Variants in ACACA observed in about 807,000 individuals in gnomAD.
The protein encoded by ACACA is acetyl-CoA carboxylase alpha, also known as acetyl-CoA carboxylase 1.
A neutral mutation model predicts 296.1 loss-of-function variants in ACACA; 103 were observed. The ratio of observed to expected loss-of-function variants is 0.35; its 90% CI spans 0.30 to 0.41. The LOEUF (loss-of-function observed/expected upper bound fraction) is 0.41. Among genes scored for constraint, ACACA ranks in the 10% least tolerant of loss-of-function variants. The pLI is 1.00. For missense variants in ACACA, 1,554 were observed against 2,989.7 expected (o/e 0.52, Z 11.20); for synonymous variants, 953 against 1,038.6 (o/e 0.92, Z 1.58).
At chr17:37,364,590 CAA>C (rs58523091) in intron 1 of ACACA, among the ~76,000 whole-genome samples, 10 of 94,054 alleles carry the variant, frequency 1.1e-4, no homozygotes, top group Non-Finnish European at 1.2e-4. Context: ...GACTCCGTCT[CAA>C]AAAAAAAAAA....
intron 39 of ACACA, among the ~76,000 whole-genome samples, chr17:37,183,709 G>A (rs4795178): frequency 0.27 from 41,184 of 151,320 alleles, 6,271 homozygotes; most frequent in African/African-American, 0.38. Context: ...GTGTGAACCC[G>A]GGAGGTAGAA....
At position 37,125,555 on chromosome 17, in the gene ACACA, G is replaced by C. The variant is rs568876498; in HGVS notation, c.6041+143C>G. The stretch of plus-strand genomic sequence containing the variant: ...TGAGAACCAGCACTCCAATTATTTT[G>C]CCTTGGGCATGGCTATAATCCAATA... On this transcript the variant is annotated intron_variant, in intron 48 of 55. Transcript: ENST00000616317. 15 of 810,862 alleles carry C rather than the reference G, an allele frequency of 1.8e-5. No homozygotes were observed. In the East Asian group the frequency reaches 4.0e-4, roughly 22 times the overall value. 50.2% of individuals were successfully genotyped at this position (810,862 alleles called of 1,614,324 possible).
intron 29 of ACACA, among the ~76,000 whole-genome samples, chr17:37,221,110 T>A (rs2079266389): frequency 6.6e-6 from 1 of 152,214 alleles, no homozygotes. Flanking sequence ...AAAGCAATTC[T>A]GAAACAAAAA....
chr17:37,179,893 TAGGACCACACAC>T (rs1224523361), intron 40 of ACACA, among the ~76,000 whole-genome samples: 1 of 152,240 alleles, frequency 6.6e-6, no homozygotes, highest in Admixed American at 6.5e-5. Context: ...TTCATAGCTA[TAGGACCACACAC>T]AGGAATTAGC....
At chr17:37,268,733 C>CTATATATATATATATATATATATATATA in intron 10 of ACACA, among the ~76,000 whole-genome samples, 1 of 70,818 alleles carries the variant, frequency 1.4e-5, no homozygotes, top group East Asian at 8.7e-4. Context: ...ATCTATCTAT[C>CTATATATATATATATATATATATATATA]TATCTATCTA....
At chr17:37,174,159 C>T (rs1474316867) in intron 41 of ACACA, among the ~76,000 whole-genome samples, 4 of 149,104 alleles carry the variant, frequency 2.7e-5, no homozygotes, top group Non-Finnish European at 1.5e-5. Context: ...CCGCGCCTGG[C>T]TGTCAGCTAG....
chr17:37,106,993 C>A (rs572472906), intron 52 of ACACA, among the ~76,000 whole-genome samples: 1 of 152,282 alleles, frequency 6.6e-6, no homozygotes, highest in East Asian at 1.9e-4. Context: ...CAAATAGCTT[C>A]TGAATCAGTG....
At chr17:37,162,260 A>G (rs1336495232) in intron 41 of ACACA, among the ~76,000 whole-genome samples, 5 of 152,196 alleles carry the variant, frequency 3.3e-5, no homozygotes, top group Admixed American at 3.3e-4. Flanking sequence ...GTGTATTTCA[A>G]AACTGTCTCA....
At chr17:37,266,631 T>C (rs1567909911) in intron 10 of ACACA, among the ~76,000 whole-genome samples, 1 of 152,162 alleles carries the variant, frequency 6.6e-6, no homozygotes, top group Non-Finnish European at 1.5e-5. Flanking sequence ...CTGGAGAGAC[T>C]CGGGATGAGA....
intron 3 of ACACA, among the ~76,000 whole-genome samples, chr17:37,305,034 T>C (rs371637784): frequency 3.9e-5 from 6 of 152,240 alleles, no homozygotes; most frequent in African/African-American, 1.4e-4. Context: ...TTTGAAATCT[T>C]TGTTAAATCC....
chr17:37,392,460 C>T (rs2050922818), intron 1 of ACACA: 1 of 152,084 alleles, frequency 6.6e-6, no homozygotes, highest in African/African-American at 2.4e-5. Context: ...AGCTATGAGT[C>T]AAATCTAACC....
chr17:37,402,908 G>A (rs909736828), intron 1 of ACACA, among the ~76,000 whole-genome samples: 4 of 152,118 alleles, frequency 2.6e-5, no homozygotes, highest in Non-Finnish European at 4.4e-5. Flanking sequence ...TCCTGACCTC[G>A]TGATCCGCCC....
In ACACA at chr17:37,249,407, T is replaced by C. The variant is rs567202554; in HGVS notation, c.2082-733A>G. ...TACCAGATCATAGGGTAATTCTATTTTTAATTTTTTCAGTAATTGCAATAC... is the reference window on the plus strand; with the variant it reads ...TACCAGATCATAGGGTAATTCTATTCTTAATTTTTTCAGTAATTGCAATAC... On this transcript the variant is annotated intron_variant, in intron 16 of 55. Transcript: ENST00000616317. Among the ~76,000 whole-genome samples, 7 of 152,342 alleles carry C rather than the reference T, an allele frequency of 4.6e-5. No homozygotes were observed. The South Asian group carries it at 1.0e-3, about 23-fold the overall frequency.
chr17:37,266,942 C>G (rs984998972), intron 10 of ACACA, among the ~76,000 whole-genome samples: 1 of 152,158 alleles, frequency 6.6e-6, no homozygotes, highest in Non-Finnish European at 1.5e-5. Context: ...CTTTTCCAGC[C>G]TCCCTTAACA....
rs1475270333 is a variant in ACACA, at chr17:37,258,271, C to T, written c.1603G>A (p.Val535Ile). 9 of 1,613,978 alleles carry T rather than the reference C, an allele frequency of 5.6e-6. No homozygotes were observed. The highest frequency in any genetic ancestry group is 5.3e-5 in the African/African-American group (4 of 74,884). The change falls in exon 13 of 56, where the codon GTT (valine) becomes ATT (isoleucine). Residue 535 changes from valine (V) to isoleucine (I), a missense_variant. By Grantham distance (29) the Val-to-Ile change is conservative (BLOSUM62 3). This residue lies in a region of ACACA where 37 missense variants were observed against 49.9 expected (regional missense o/e 0.74). Coordinates refer to ENST00000616317, the MANE Select transcript of ACACA (RefSeq NM_198834.3). ...ATAACATGGCCCCTTGGACAAGGAA[C>T]GTGTGCAGAATCTTCAAAATCAATG... ...SPIDFEDSAHVPCPRGHVIAA... is the reference protein window; with the variant it reads ...SPIDFEDSAHIPCPRGHVIAA...
Position 37,325,579 on chromosome 17 carries a change from C to CTTTTTTTTTTTTT in ACACA, c.338+4581_338+4593dup, listed in dbSNP as rs1156553256. 6.5e-4 allele frequency among the ~76,000 whole-genome samples: 44 copies of CTTTTTTTTTTTTT among 67,934 alleles called. 1 individual carries two copies. The highest frequency in any genetic ancestry group is 1.3e-3 in the African/African-American group (19 of 14,450). 44.6% of individuals were successfully genotyped at this position (67,934 alleles called of 152,430 possible). On this transcript the variant is annotated intron_variant, in intron 3 of 55. Coordinates refer to ENST00000616317, the MANE Select transcript of ACACA (RefSeq NM_198834.3). ...CTTAGGGTCTTATTTTCTTTTCTTT[C>CTTTTTTTTTTTTT]TTTTTTTTTTTTTTTTTTTTTTTTT... is the stretch of plus-strand genomic sequence containing the variant.
At position 37,206,730 on chromosome 17, in the gene ACACA, A is replaced by G. The variant is rs377281068; in HGVS notation, c.3948+53T>C. On this transcript the variant is annotated intron_variant, in intron 32 of 55. Transcript: ENST00000616317. The stretch of plus-strand genomic sequence containing the variant: ...CAAAGTCAGAAAGATAGTATACAGT[A>G]GAAGTCCCATGTCTGAGGGGAACAA... 1.6e-4 allele frequency: 222 copies of G among 1,371,350 alleles called. No homozygotes were observed. The African/African-American group carries it at 2.9e-3, about 18-fold the overall frequency. 84.9% of individuals were successfully genotyped at this position (1,371,350 alleles called of 1,614,324 possible).
Position 37,122,611 on chromosome 17 carries a change from C to A in ACACA, c.6058G>T (p.Val2020Leu). The A allele has an allele frequency of 1.2e-6, 2 of 1,614,170 alleles. No homozygotes were observed. The highest frequency in any genetic ancestry group is 1.7e-6 in the Non-Finnish European group (2 of 1,179,980). The change falls in exon 49 of 56, where the codon GTG (valine) becomes TTG (leucine). Residue 2020 changes from valine to leucine, a missense_variant. Val to Leu is a conservative substitution (Grantham distance 32). This residue lies in a region of ACACA where 553 missense variants were observed against 1,043.6 expected (regional missense o/e 0.53). Coordinates refer to ENST00000616317, the MANE Select transcript of ACACA (RefSeq NM_198834.3). Reference sequence around the variant, plus strand: ...CGGGTTTCTACAGCAACAACTCCCACAGGTATTCCTCCTAGCCTGATAAAA... The same window carrying A: ...CGGGTTTCTACAGCAACAACTCCCAAAGGTATTCCTCCTAGCCTGATAAAA... ...VGRARLGGIP[V>L]GVVAVETRTV... is the part of the protein sequence containing the mutation.
At chr17:37,388,735 A>G in intron 1 of ACACA, 1 of 1,612,440 alleles carries the variant, frequency 6.2e-7, no homozygotes, top group East Asian at 2.2e-5. Flanking sequence ...GATTGCTGTC[A>G]CCCTGTTGCT....
Sources: gnomAD v4.1 joint callset for allele counts (sites outside exome capture counted in the v4.1 genomes callset) on GRCh38, gnomAD v4.1.1 for gene constraint, gnomAD v4.1.1 regional missense constraint, MANE v1.5 for transcripts, NCBI Gene and HGNC (gene_info 2026-07-23, HGNC 2026-07-21) for gene names.